The following PCDHA1 variants were observed in gnomAD, a reference collection of about 807,000 sequenced individuals.
The protein encoded by PCDHA1 is protocadherin alpha-1.
A neutral mutation model predicts 61.3 loss-of-function variants in PCDHA1; 42 were observed. The observed-to-expected ratio is 0.69, with a 90% CI of 0.54 to 0.89. The LOEUF is 0.89. Among genes scored for constraint, PCDHA1 ranks in the 40% least tolerant of loss-of-function variants. The pLI, the probability that PCDHA1 is intolerant of heterozygous loss-of-function variation, is 0.00. For synonymous variants in PCDHA1, 610 were observed against 553.8 expected (o/e 1.10, Z -1.43); for missense variants, 1,256 against 1,235.3 (o/e 1.02, Z -0.25).
intron 1 of PCDHA1, among the ~76,000 whole-genome samples, chr5:140,888,192 A>G (rs906159358): frequency 4.6e-5 from 7 of 152,120 alleles, no homozygotes; most frequent in Non-Finnish European, 8.8e-5. Context: ...TGAATTTTAC[A>G]TTGTCGGATG....
At chr5:140,948,227 A>G (rs1214697523) in intron 1 of PCDHA1, among the ~76,000 whole-genome samples, 17 of 151,634 alleles carry the variant, frequency 1.1e-4, no homozygotes, top group African/African-American at 4.1e-4. Flanking sequence ...GTTAGATTTA[A>G]CTTGTATTTT....
In PCDHA1 at chr5:140,870,728, C is replaced by G. The variant is rs531202250; in HGVS notation, c.2394+82044C>G. On this transcript the variant is annotated intron_variant, in intron 1 of 3. Transcript: ENST00000504120. Reference sequence around the variant, plus strand: ...GTGAGCGCGCGCGATGCGGGCGTGCCGCCTCTGAGCAGCAACGTGACGCTG... The same window carrying G: ...GTGAGCGCGCGCGATGCGGGCGTGCGGCCTCTGAGCAGCAACGTGACGCTG... The G allele has an allele frequency of 5.0e-6, 8 of 1,613,220 alleles. No individual in the cohort carries two copies. The East Asian group carries it at 6.7e-5, about 13-fold the overall frequency.
At position 140,786,452 on chromosome 5, in the gene PCDHA1, G is replaced by A. The variant is rs1554117395; in HGVS notation, c.162G>A (p.Leu54=). 6.2e-7 allele frequency: 1 copy of A among 1,613,540 alleles called. No individual in the cohort carries two copies. Among genetic ancestry groups the A allele is most frequent in the Admixed American group, 1.7e-5 (1 of 60,026 alleles). The part of the protein sequence containing the change: ...FVGRVAQDLG[L]ELAELVPRLF... ...GCCGCGTTGCTCAGGACCTGGGACT[G>A]GAGCTGGCGGAGCTGGTGCCTCGCC... The change falls in exon 1 of 4, where the codon CTG becomes CTA. Residue 54 remains leucine, a synonymous_variant. Transcript: ENST00000504120.
At chr5:140,958,547 A>C (rs528303266) in intron 1 of PCDHA1, among the ~76,000 whole-genome samples, 3 of 152,308 alleles carry the variant, frequency 2.0e-5, no homozygotes, top group East Asian at 3.9e-4. Flanking sequence ...TTTATGAACC[A>C]ATAAATGTTT....
intron 1 of PCDHA1, among the ~76,000 whole-genome samples, chr5:140,914,765 T>A (rs2076829694): frequency 6.6e-6 from 1 of 152,080 alleles, no homozygotes. Flanking sequence ...TTACATGAGG[T>A]TTATGACTTA....
intron 3 of PCDHA1, among the ~76,000 whole-genome samples, chr5:141,006,789 C>T (rs1388215052): frequency 6.6e-6 from 1 of 152,026 alleles, no homozygotes; most frequent in Non-Finnish European, 1.5e-5. Flanking sequence ...GAATAATTAG[C>T]TTTGAACTTT....
At chr5:140,900,177 A>G (rs1213706705) in intron 1 of PCDHA1, among the ~76,000 whole-genome samples, 1 of 152,194 alleles carries the variant, frequency 6.6e-6, no homozygotes, top group South Asian at 2.1e-4. Context: ...TGCCTGGTTT[A>G]TGTCACTTAT....
At chr5:140,944,839 G>C (rs1449491788) in intron 1 of PCDHA1, among the ~76,000 whole-genome samples, 3 of 152,130 alleles carry the variant, frequency 2.0e-5, no homozygotes, top group African/African-American at 7.2e-5. Flanking sequence ...TGTAAAATGA[G>C]ATATTAGAAT....
At chr5:140,962,625 A>C (rs2095697493) in intron 1 of PCDHA1, among the ~76,000 whole-genome samples, 1 of 152,228 alleles carries the variant, frequency 6.6e-6, no homozygotes, top group Non-Finnish European at 1.5e-5. Context: ...GAGATGTGAA[A>C]AAATTTAGCC....
At chr5:140,802,817 G>A in intron 1 of PCDHA1, 3 of 1,613,536 alleles carry the variant, frequency 1.9e-6, no homozygotes, top group South Asian at 1.1e-5. Context: ...CGCGCGATGC[G>A]GGCGTGCCGC....
At chr5:140,868,057 G>C (rs1243916361) in intron 1 of PCDHA1, 4 of 152,030 alleles carry the variant, frequency 2.6e-5, no homozygotes, top group African/African-American at 7.2e-5. Flanking sequence ...ATGGCACAAA[G>C]ATGTTCAGGG....
chr5:140,863,116 G>A (rs1554157785), intron 1 of PCDHA1: 7 of 589,834 alleles, frequency 1.2e-5, no homozygotes, highest in African/African-American at 1.9e-5. Flanking sequence ...CGAGGCGAAA[G>A]CTACGCGCCA....
chr5:140,841,977 A>C (rs2150326708), intron 1 of PCDHA1: 127 of 1,613,770 alleles, frequency 7.9e-5, no homozygotes, highest in Non-Finnish European at 1.1e-4. Flanking sequence ...GATGGGGGCA[A>C]ACCTGAGCTC....
intron 1 of PCDHA1, chr5:140,884,280 A>G: frequency 6.2e-7 from 1 of 1,613,576 alleles, no homozygotes; most frequent in Non-Finnish European, 8.5e-7. Context: ...TCGCTGGTGG[A>G]GAGCGGCCAA....
chr5:140,986,776 C>G (rs916981139), intron 3 of PCDHA1, among the ~76,000 whole-genome samples: 5 of 152,098 alleles, frequency 3.3e-5, no homozygotes, highest in Non-Finnish European at 7.3e-5. Context: ...AATTAGGTAG[C>G]GGAAGCCACT....
intron 1 of PCDHA1, chr5:140,848,959 A>C (rs1554142632): frequency 1.9e-6 from 3 of 1,606,524 alleles, no homozygotes; most frequent in Admixed American, 3.4e-5. Context: ...TTTCCACTAG[A>C]GGGCGCGTCC....
intron 3 of PCDHA1, among the ~76,000 whole-genome samples, chr5:141,002,135 G>C (rs1265359430): frequency 2.6e-5 from 4 of 152,236 alleles, no homozygotes; most frequent in Admixed American, 2.6e-4. Flanking sequence ...AGCCTTTGCC[G>C]GCTGCACTGA....
intron 1 of PCDHA1, chr5:140,968,611 G>A: frequency 6.2e-7 from 1 of 1,614,194 alleles, no homozygotes; most frequent in African/African-American, 1.3e-5. Flanking sequence ...CAGACTCTGG[G>A]CAAAATGCTT....
intron 1 of PCDHA1, chr5:140,870,420 G>T (rs371557347): frequency 1.4e-5 from 23 of 1,614,116 alleles, no homozygotes; most frequent in Non-Finnish European, 1.9e-5. Flanking sequence ...CCACGGCCAG[G>T]GTATCCGTGG....
Sources: gnomAD v4.1 joint callset for allele counts (sites outside exome capture counted in the v4.1 genomes callset) on GRCh38, gnomAD v4.1.1 for gene constraint, MANE v1.5 for transcripts, NCBI Gene and HGNC (gene_info 2026-07-23, HGNC 2026-07-21) for gene names.